FAM118A: variants seen among roughly 807,000 people sequenced by gnomAD.
The protein encoded by FAM118A is protein FAM118A.
Under a neutral mutation model 38.2 loss-of-function variants are expected in FAM118A, and 25 were observed. The ratio of observed to expected loss-of-function variants is 0.65; its 90% CI spans 0.48 to 0.91. The LOEUF is 0.91. Among genes scored for constraint, FAM118A ranks in the 40% least tolerant of loss-of-function variants. FAM118A has a pLI of 0.00. For synonymous variants in FAM118A, 178 were observed against 184.1 expected (o/e 0.97, Z 0.27); for missense variants, 425 against 463.3 (o/e 0.92, Z 0.76).
rs1436822070 is a variant in FAM118A, at chr22:45,341,721, C to T, written c.*1316C>T. 1 of 152,204 alleles carries T rather than the reference C, an allele frequency of 6.6e-6. No homozygotes were observed. The highest frequency in any genetic ancestry group is 1.5e-5 in the Non-Finnish European group (1 of 68,068). 9.4% of individuals were successfully genotyped at this position (152,204 alleles called of 1,614,324 possible). On this transcript the variant is annotated 3_prime_UTR_variant, in exon 9 of 9. Coordinates refer to ENST00000441876, the MANE Select transcript of FAM118A (RefSeq NM_017911.4). ...GTGGAGGGTTCTCTTTGGAAACAAA[C>T]AGCCCTGCTTGGTTTCAGTTTGAGG... is the stretch of plus-strand genomic sequence containing the variant.
intron 3 of FAM118A, among the ~76,000 whole-genome samples, chr22:45,323,815 C>A (rs144714481): frequency 1.3e-5 from 2 of 152,330 alleles, no homozygotes; most frequent in Non-Finnish European, 2.9e-5. Flanking sequence ...TAGAAAACAT[C>A]TGAAGATGGG....
rs746412044 is a variant in FAM118A, at chr22:45,332,408, T to C, written c.652-17T>C. 1 of 1,601,368 alleles carries C rather than the reference T, an allele frequency of 6.2e-7. No homozygotes were observed. Among genetic ancestry groups the C allele is most frequent in the Non-Finnish European group, 8.5e-7 (1 of 1,174,404 alleles). Reference sequence around the variant, plus strand: ...TCTTTCAAATGAGCACTCAATTTCTTCATTGGCCTTTTCTAGGAAGTCCTC... The same window carrying C: ...TCTTTCAAATGAGCACTCAATTTCTCCATTGGCCTTTTCTAGGAAGTCCTC... On this transcript the variant is annotated splice_polypyrimidine_tract_variant and intron_variant, in intron 5 of 8. Coordinates refer to ENST00000441876, the MANE Select transcript of FAM118A (RefSeq NM_017911.4).
At chr22:45,324,312 G>T (rs1335207740) in intron 3 of FAM118A, among the ~76,000 whole-genome samples, 1 of 152,196 alleles carries the variant, frequency 6.6e-6, no homozygotes, top group Non-Finnish European at 1.5e-5. Context: ...CTCTTTGCTG[G>T]CTCTGCCACC....
At chr22:45,311,293 G>C (rs941531765) in intron 1 of FAM118A, among the ~76,000 whole-genome samples, 1 of 152,190 alleles carries the variant, frequency 6.6e-6, no homozygotes, top group African/African-American at 2.4e-5. Context: ...CGGGAGGTGT[G>C]GCTGGAGCAC....
At chr22:45,313,191 C>G (rs1446206276) in intron 1 of FAM118A, among the ~76,000 whole-genome samples, 1 of 152,000 alleles carries the variant, frequency 6.6e-6, no homozygotes, top group Non-Finnish European at 1.5e-5. Flanking sequence ...CAACAAAATG[C>G]AAAGCTGTTG....
chr22:45,318,273 G>A (rs1299309065), intron 1 of FAM118A: 1 of 152,152 alleles, frequency 6.6e-6, no homozygotes. Flanking sequence ...GCTGGGGCCA[G>A]ATTTTGCTTT....
chr22:45,336,771 C>T (rs117983297), intron 8 of FAM118A, among the ~76,000 whole-genome samples: 7 of 152,214 alleles, frequency 4.6e-5, no homozygotes, highest in Admixed American at 4.6e-4. Context: ...AGTGAACGCT[C>T]CCATCTAATC....
Position 45,332,722 on chromosome 22 carries a change from G to T in FAM118A, c.937+12G>T. The T allele has an allele frequency of 6.5e-7, 1 of 1,549,042 alleles. No individual in the cohort carries two copies. The highest frequency in any genetic ancestry group is 8.7e-7 in the Non-Finnish European group (1 of 1,152,980). The stretch of plus-strand genomic sequence containing the variant: ...ACAGCAAAGCCCAGGTATGGGATCT[G>T]GCTTCACTTTCCTTTTTCTTTCTTT... On this transcript the variant is annotated intron_variant, in intron 6 of 8. Coordinates refer to ENST00000441876, the MANE Select transcript of FAM118A (RefSeq NM_017911.4).
At chr22:45,338,026 A>G (rs926423359) in intron 8 of FAM118A, 5 of 362,788 alleles carry the variant, frequency 1.4e-5, no homozygotes, top group African/African-American at 1.1e-4. Context: ...TTGATTAGAA[A>G]TTCAATGAGG....
chr22:45,319,356 C>T (rs1370750275), intron 1 of FAM118A, among the ~76,000 whole-genome samples: 4 of 151,844 alleles, frequency 2.6e-5, no homozygotes, highest in East Asian at 1.9e-4. Flanking sequence ...TTTTGGGGGG[C>T]GGGAGTAGGG....
At chr22:45,328,613 A>G in intron 4 of FAM118A, 1 of 603,318 alleles carries the variant, frequency 1.7e-6, no homozygotes. Context: ...CCTGGGTGAC[A>G]GAGTAAGACC....
At chr22:45,320,664 C>G (rs2084823761) in intron 1 of FAM118A, among the ~76,000 whole-genome samples, 1 of 152,102 alleles carries the variant, frequency 6.6e-6, no homozygotes, top group African/African-American at 2.4e-5. Context: ...TCTTGAAATT[C>G]TGGGCTCAAG....
chr22:45,323,397 C>G lies in FAM118A; in HGVS notation c.270C>G (p.Val90=). Reference sequence around the variant, plus strand: ...CAAAGGACCGGGACCTGTTGGTTGTCGCCCATGATCTGATCCGGAAGATGT... The same window carrying G: ...CAAAGGACCGGGACCTGTTGGTTGTGGCCCATGATCTGATCCGGAAGATGT... ...KVTKDRDLLV[V]AHDLIRKMSP... Residue 90 remains valine, a synonymous_variant, in exon 3 of 9, where the codon GTC becomes GTG. Coordinates refer to ENST00000441876, the MANE Select transcript of FAM118A (RefSeq NM_017911.4). 1.2e-6 allele frequency: 2 copies of G among 1,614,052 alleles called. No homozygotes were observed. The highest frequency in any genetic ancestry group is 2.7e-5 in the African/African-American group (2 of 75,042).
intron 1 of FAM118A, among the ~76,000 whole-genome samples, chr22:45,315,142 A>C (rs1421310624): frequency 1.3e-5 from 2 of 152,220 alleles, no homozygotes; most frequent in Admixed American, 1.3e-4. Context: ...AATTTGAATT[A>C]GATTCTTTTT....
chr22:45,314,613 G>A lies in FAM118A; in HGVS notation c.-10+4430G>A, dbSNP rs150041046. On this transcript the variant is annotated intron_variant, in intron 1 of 8. Transcript: ENST00000441876. ...TCATGTAACCTTTAAGATCCTGCCCGCTCTGAAATTCTGTCATTTTACATT... is the reference window on the plus strand; with the variant it reads ...TCATGTAACCTTTAAGATCCTGCCCACTCTGAAATTCTGTCATTTTACATT... Among the ~76,000 whole-genome samples the A allele has an allele frequency of 2.0e-5, 3 of 152,304 alleles. No homozygotes were observed. In the East Asian group the frequency reaches 5.8e-4, roughly 29 times the overall value.
chr22:45,335,328 A>G, intron 6 of FAM118A, 22 bp from the exon 7 acceptor site: 4 of 1,614,058 alleles, frequency 2.5e-6, no homozygotes, highest in Non-Finnish European at 2.5e-6. Flanking sequence ...GGCTCCACTG[A>G]CTGCTTTTCT....
At chr22:45,338,996 G>A (rs113360148) in intron 8 of FAM118A, among the ~76,000 whole-genome samples, 280 of 152,348 alleles carry the variant, frequency 1.8e-3, no homozygotes, top group African/African-American at 6.2e-3. Context: ...GGGTGGGGGC[G>A]CCCTAGCGTC....
intron 3 of FAM118A, among the ~76,000 whole-genome samples, chr22:45,325,026 A>G (rs1190295047): frequency 6.6e-6 from 1 of 152,216 alleles, no homozygotes; most frequent in Non-Finnish European, 1.5e-5. Flanking sequence ...TATCCTGGGC[A>G]ACAAAAGTGA....
chr22:45,332,102 G>C (rs1296149606), intron 5 of FAM118A, among the ~76,000 whole-genome samples: 1 of 152,226 alleles, frequency 6.6e-6, no homozygotes, highest in African/African-American at 2.4e-5. Flanking sequence ...ACTGGTGAGT[G>C]TGTGGGGTGG....
Sources: allele counts gnomAD v4.1 joint callset (sites outside exome capture counted in the v4.1 genomes callset), GRCh38; gene constraint gnomAD v4.1.1; transcripts MANE v1.5; gene names NCBI Gene and HGNC (gene_info 2026-07-23, HGNC 2026-07-21).